The following CCDC63 variants were observed in gnomAD, a reference collection of about 807,000 sequenced individuals.
CCDC63 encodes the protein coiled-coil domain containing 63.
Under a neutral mutation model 63.6 loss-of-function variants are expected in CCDC63, and 54 were observed. The observed-to-expected ratio is 0.85, with a 90% CI of 0.68 to 1.07. CCDC63 has a LOEUF of 1.07. Ranked by LOEUF, CCDC63 falls within the 50% of genes least tolerant of loss-of-function variation. The pLI is 0.00. For synonymous variants in CCDC63, 253 were observed against 266.1 expected (o/e 0.95, Z 0.48); for missense variants, 637 against 689.6 (o/e 0.92, Z 0.86).
At chr12:110,852,021 C>T (rs1166096968) in intron 1 of CCDC63, among the ~76,000 whole-genome samples, 1 of 152,192 alleles carries the variant, frequency 6.6e-6, no homozygotes, top group African/African-American at 2.4e-5. Context: ...GCTTTTGGAA[C>T]CCAGCTCCTG....
Position 110,884,090 on chromosome 12 carries a change from T to C in CCDC63, c.914T>C (p.Val305Ala), listed in dbSNP as rs2071245645. 6.2e-7 allele frequency: 1 copy of C among 1,613,952 alleles called. No individual in the cohort carries two copies. The highest frequency in any genetic ancestry group is 8.5e-7 in the Non-Finnish European group (1 of 1,180,014). ...NRGESFESYE[V>A]AHLRLLKLAE... Reference sequence around the variant, plus strand: ...GGAGAGAGTTTTGAGAGCTATGAGGTGGCCCACCTCCGGCTGCTGAAGCTG... The same window carrying C: ...GGAGAGAGTTTTGAGAGCTATGAGGCGGCCCACCTCCGGCTGCTGAAGCTG... The change falls in exon 8 of 12, where the codon GTG (valine) becomes GCG (alanine). Residue 305 changes from valine (V) to alanine (A), a missense_variant. By Grantham distance (64) the Val-to-Ala change is moderately conservative (BLOSUM62 0). Coordinates refer to ENST00000308208, the MANE Select transcript of CCDC63 (RefSeq NM_152591.3).
chr12:110,876,233 CT>C (rs1204285566), intron 5 of CCDC63, among the ~76,000 whole-genome samples: 2 of 146,842 alleles, frequency 1.4e-5, no homozygotes, highest in Admixed American at 7.1e-5. Context: ...TAGGTCAGGT[CT>C]TTCCCCCCCA....
rs913037666 is a variant in CCDC63, at chr12:110,884,027, T to C, written c.854-3T>C. On this transcript the variant is annotated splice_region_variant and splice_polypyrimidine_tract_variant and intron_variant, in intron 7 of 11. Transcript: ENST00000308208. ...TCACAGTGGCTGATTTTTCCTTTCC[T>C]AGCTCTCAAGGCAAAGAAGCATGTC... The C allele has an allele frequency of 1.9e-6, 3 of 1,612,770 alleles. No individual in the cohort carries two copies. The highest frequency in any genetic ancestry group is 1.3e-5 in the African/African-American group (1 of 74,856).
chr12:110,864,120 G>T (rs923432285), intron 4 of CCDC63, among the ~76,000 whole-genome samples: 4 of 152,260 alleles, frequency 2.6e-5, no homozygotes, highest in Admixed American at 1.3e-4. Flanking sequence ...AAGGGAAGTA[G>T]AATTTCCAGA....
intron 3 of CCDC63, 21 bp downstream of exon 3, chr12:110,853,595 C>T (rs1251037053): frequency 9.9e-6 from 16 of 1,613,740 alleles, no homozygotes; most frequent in East Asian, 2.2e-5. Flanking sequence ...GTTGGAGTTT[C>T]GCACTGAGTG....
In CCDC63 at chr12:110,905,887, T is replaced by TGTA. The variant is rs1566144293; in HGVS notation, c.1546+1096_1546+1097insGTA. On this transcript the variant is annotated intron_variant, in intron 11 of 11. Transcript: ENST00000308208. ...GTGTATATATGTGTGTGTGTATATA[T>TGTA]ATAATATTATATATAATATATATTA... is the stretch of plus-strand genomic sequence containing the variant. Among the ~76,000 whole-genome samples, 6 of 15,154 alleles carry TGTA rather than the reference T, an allele frequency of 4.0e-4. 1 individual carries two copies. The East Asian group carries it at 7.7e-3, about 19-fold the overall frequency. 9.9% of individuals were successfully genotyped at this position (15,154 alleles called of 152,430 possible). A position where few individuals can be genotyped will look rare whatever the true frequency, so the allele number is the denominator to read the frequency against.
upstream of CCDC63, chr12:110,845,490 A>G (rs2136629099): frequency 6.6e-6 from 1 of 152,318 alleles, no homozygotes; most frequent in East Asian, 1.9e-4. Context: ...AGGATGGTCA[A>G]GTGTATCCAA....
At chr12:110,894,673 TGGGCAGATGCCTG>T (rs2071395998) in intron 9 of CCDC63, among the ~76,000 whole-genome samples, 1 of 152,152 alleles carries the variant, frequency 6.6e-6, no homozygotes, top group Non-Finnish European at 1.5e-5. Context: ...CTCCCCAAGC[TGGGCAGATGCCTG>T]GGGCCCACGT....
At chr12:110,898,590 C>T (rs1309585829) in intron 9 of CCDC63, among the ~76,000 whole-genome samples, 1 of 149,110 alleles carries the variant, frequency 6.7e-6, no homozygotes, top group Non-Finnish European at 1.5e-5. Context: ...TGCACTCTGG[C>T]CTGGGTGACA....
At chr12:110,867,438 C>T (rs1430820593) in intron 4 of CCDC63, among the ~76,000 whole-genome samples, 244 of 113,826 alleles carry the variant, frequency 2.1e-3, no homozygotes, top group African/African-American at 2.6e-3. Flanking sequence ...GGTGGCTGGC[C>T]GGGCTGAGGG....
At chr12:110,862,780 C>T (rs2070874974) in intron 4 of CCDC63, among the ~76,000 whole-genome samples, 3 of 150,600 alleles carry the variant, frequency 2.0e-5, no homozygotes. Flanking sequence ...TTTTTTGAGA[C>T]CATCTCACTC....
chr12:110,868,026 G>A (rs1399098329), intron 4 of CCDC63, among the ~76,000 whole-genome samples: 1 of 147,492 alleles, frequency 6.8e-6, no homozygotes, highest in Non-Finnish European at 1.5e-5. Context: ...GGGGCGGCCG[G>A]GCAGAGACGC....
chr12:110,905,213 T>C (rs544445207), intron 11 of CCDC63, among the ~76,000 whole-genome samples: 2 of 152,180 alleles, frequency 1.3e-5, no homozygotes, highest in African/African-American at 4.8e-5. Flanking sequence ...CCCTGACCCA[T>C]TGTGCCTCCA....
Position 110,853,473 on chromosome 12 carries a change from G to A in CCDC63, c.78G>A (p.Gln26=). Residue 26 remains glutamine, a synonymous_variant, in exon 3 of 12, where the codon CAG becomes CAA. Transcript: ENST00000308208. ...QEPSEKAKEQ[Q]AEAELRKLRQ... ...CTTCGGAGAAGGCCAAAGAGCAGCA[G>A]GCGGAGGCAGAGCTCCGGAAGCTAA... 1 of 1,614,190 alleles carries A rather than the reference G, an allele frequency of 6.2e-7. No homozygotes were observed. Among genetic ancestry groups the A allele is most frequent in the African/African-American group, 1.3e-5 (1 of 75,070 alleles).
intron 5 of CCDC63, among the ~76,000 whole-genome samples, chr12:110,875,976 C>T (rs1450313264): frequency 6.6e-6 from 1 of 151,900 alleles, no homozygotes; most frequent in Non-Finnish European, 1.5e-5. Context: ...CATGGTGATG[C>T]ATGCCTGTAA....
intron 8 of CCDC63, 106 bp downstream of exon 8, chr12:110,884,356 T>C: frequency 1.2e-6 from 1 of 821,534 alleles, no homozygotes; most frequent in South Asian, 1.5e-5. Flanking sequence ...AGAAAGCAGT[T>C]TGGCCAACAC....
intron 4 of CCDC63, among the ~76,000 whole-genome samples, chr12:110,865,464 C>CAAAAAAAAAAAAAAAAAAAA (rs10585238): frequency 7.3e-4 from 75 of 102,156 alleles, no homozygotes; most frequent in Admixed American, 1.1e-3. Flanking sequence ...CAGCATATAC[C>CAAAAAAAAAAAAAAAAAAAA]AAAAAAAAAA....
chr12:110,877,598 T>C (rs2071147159), intron 5 of CCDC63, among the ~76,000 whole-genome samples: 1 of 152,050 alleles, frequency 6.6e-6, no homozygotes, highest in Non-Finnish European at 1.5e-5. Context: ...CCATATCTGC[T>C]ACTTGCTATC....
chr12:110,898,977 C>T lies in CCDC63; in HGVS notation c.1194C>T (p.Ser398=). Residue 398 remains serine, a synonymous_variant, in exon 10 of 12, where the codon AGC becomes AGT. Transcript: ENST00000308208. ...KTTEEADMYE[S]KYGEVSKTLD... is the part of the protein sequence containing the mutation. ...CGGAGGAGGCAGATATGTATGAGAG[C>T]AAGTACGGGGAGGTCAGCAAGACCT... 1 of 1,611,872 alleles carries T rather than the reference C, an allele frequency of 6.2e-7. No individual in the cohort carries two copies.
Sources: gnomAD v4.1 joint callset for allele counts (sites outside exome capture counted in the v4.1 genomes callset) on GRCh38, gnomAD v4.1.1 for gene constraint, MANE v1.5 for transcripts, NCBI Gene and HGNC (gene_info 2026-07-23, HGNC 2026-07-21) for gene names.